MACC1: variants seen among roughly 807,000 people sequenced by gnomAD.
MACC1 encodes metastasis-associated in colon cancer protein 1.
MACC1 carries 79 observed loss-of-function variants against 70.7 expected under a neutral mutation model. That is an observed-to-expected ratio of 1.12 (90% CI 0.93 to 1.35). MACC1 has a LOEUF of 1.35. Among genes scored for constraint, MACC1 ranks in the 40% most tolerant of loss-of-function variants. The probability of loss-of-function intolerance (pLI) is 0.00; values close to 1 mark genes in which losing one functional copy is unlikely to be tolerated. For missense variants in MACC1, 1,106 were observed against 978.1 expected, an observed-to-expected ratio of 1.13 and a Z score of -1.74; for synonymous variants, 361 against 347.2, an observed-to-expected ratio of 1.04 and a Z score of -0.44.
At chr7:20,173,986 TG>T in intron 1 of MACC1, among the ~76,000 whole-genome samples, 1 of 152,308 alleles carries the variant, frequency 6.6e-6, no homozygotes, top group South Asian at 2.1e-4. Context: ...TTTGGGTGTA[TG>T]GTTTCAAAGA....
Position 20,158,301 on chromosome 7 carries a change from T to A in MACC1, c.2060A>T (p.Asp687Val). Residue 687 changes from aspartate (D) to valine (V), a missense_variant, in exon 5 of 7, where the codon GAC (aspartate) becomes GTC (valine). Physicochemically the swap from Asp to Val is radical, Grantham distance 152 (BLOSUM62 -3). Transcript: ENST00000400331. The stretch of plus-strand genomic sequence containing the variant: ...ATAAGAAACTTTCTCTGATTCTTTG[T>A]CTGCTTGAATTTGATCAAAATCTTC... ...SLEDFDQIQA[D>V]KESEKVSYVI... 4 of 1,613,492 alleles carry A rather than the reference T, an allele frequency of 2.5e-6. No homozygotes were observed. Among genetic ancestry groups the A allele is most frequent in the Non-Finnish European group, 3.4e-6 (4 of 1,179,912 alleles).
intron 1 of MACC1, among the ~76,000 whole-genome samples, chr7:20,176,320 A>C (rs1349589942): frequency 6.6e-6 from 1 of 152,116 alleles, no homozygotes; most frequent in Non-Finnish European, 1.5e-5. Flanking sequence ...AAGTCTATAC[A>C]TGAGATAAAA....
In MACC1 at chr7:20,183,739, C is replaced by T. The variant is rs1289297821; in HGVS notation, c.-217-12961G>A. Among the ~76,000 whole-genome samples, 15 of 143,872 alleles carry T rather than the reference C, an allele frequency of 1.0e-4. 1 individual carries two copies. The East Asian group carries it at 2.8e-3, about 27-fold the overall frequency. The allele number at this position is 143,872 out of a possible 152,430, so 94.4% of individuals were successfully genotyped here. ...TTTTTTTTTTTTTGAGGGAGAGTCT[C>T]ACTCTGTTTCCCGGGCTGGAGTGCA... On this transcript the variant is annotated intron_variant, in intron 1 of 6. Transcript: ENST00000400331.
In MACC1 at chr7:20,158,514, A is replaced by G; in HGVS notation, c.1847T>C (p.Val616Ala). The change falls in exon 5 of 7, where the codon GTG becomes GCG. Residue 616 changes from valine to alanine, a missense_variant. Coordinates refer to ENST00000400331, the MANE Select transcript of MACC1 (RefSeq NM_182762.4). Reference sequence around the variant, plus strand: ...AAACATTACTTGCTCCTTTGAAATCACCTTGACATTTTTGCAGTGTACAAG... The same window carrying G: ...AAACATTACTTGCTCCTTTGAAATCGCCTTGACATTTTTGCAGTGTACAAG... The part of the protein sequence containing the change: ...IGLVHCKNVK[V>A]ISKEQVMFMS... 6.2e-7 allele frequency: 1 copy of G among 1,614,110 alleles called. No individual in the cohort carries two copies.
intron 3 of MACC1, among the ~76,000 whole-genome samples, chr7:20,162,242 TC>T (rs1782149805): frequency 6.6e-6 from 1 of 152,112 alleles, no homozygotes; most frequent in Non-Finnish European, 1.5e-5. Context: ...CTAAAAATTT[TC>T]CCCTAAATCC....
intron 1 of MACC1, among the ~76,000 whole-genome samples, chr7:20,201,679 G>A (rs1224614821): frequency 6.6e-6 from 1 of 151,768 alleles, no homozygotes; most frequent in Non-Finnish European, 1.5e-5. Context: ...AAAGAGCAAG[G>A]GCAGTGGCCT....
chr7:20,163,821 T>G (rs936957935), intron 3 of MACC1, among the ~76,000 whole-genome samples: 6 of 152,220 alleles, frequency 3.9e-5, no homozygotes, highest in African/African-American at 1.4e-4. Flanking sequence ...AACTACTATA[T>G]GCAGCCCATA....
intron 6 of MACC1, among the ~76,000 whole-genome samples, chr7:20,144,926 A>G (rs1781865993): frequency 6.6e-6 from 1 of 152,208 alleles, no homozygotes; most frequent in African/African-American, 2.4e-5. Context: ...TCAAAGAAAA[A>G]GAAAGTGAAT....
intron 6 of MACC1, among the ~76,000 whole-genome samples, chr7:20,146,228 C>T (rs752654368): frequency 2.4e-4 from 36 of 151,390 alleles, no homozygotes; most frequent in Non-Finnish European, 2.8e-4. Flanking sequence ...CTCTTCAATA[C>T]AGTAAATAGG....
At chr7:20,152,721 C>A (rs1278093509) in intron 6 of MACC1, among the ~76,000 whole-genome samples, 1 of 152,274 alleles carries the variant, frequency 6.6e-6, no homozygotes, top group East Asian at 1.9e-4. Context: ...GGGTGGTTTG[C>A]TGGCCTCCAT....
intron 1 of MACC1, among the ~76,000 whole-genome samples, chr7:20,179,279 T>G (rs1255230830): frequency 6.6e-6 from 1 of 152,222 alleles, no homozygotes; most frequent in African/African-American, 2.4e-5. Flanking sequence ...CTGACTGTTT[T>G]CAGATTATTT....
intron 1 of MACC1, among the ~76,000 whole-genome samples, chr7:20,206,044 C>T (rs1050623297): frequency 6.6e-6 from 1 of 151,836 alleles, no homozygotes; most frequent in Non-Finnish European, 1.5e-5. Context: ...AATATTAGAG[C>T]CCTCTTGAAC....
intron 1 of MACC1, among the ~76,000 whole-genome samples, chr7:20,188,683 C>T (rs1782626143): frequency 1.3e-5 from 2 of 152,064 alleles, no homozygotes; most frequent in Admixed American, 1.3e-4. Context: ...TAATTTTCAC[C>T]CATTCTCCAC....
In MACC1 at chr7:20,159,564, G is replaced by T. The variant is rs755419484; in HGVS notation, c.797C>A (p.Ser266Ter). The change falls in exon 5 of 7, where the codon TCG (serine) becomes TAG (stop). Residue 266 changes from serine to a stop codon, truncating the protein, a stop_gained. Coordinates refer to ENST00000400331, the MANE Select transcript of MACC1 (RefSeq NM_182762.4). LOFTEE classifies it high-confidence loss of function. The part of the protein sequence containing the change: ...DPPHMLNHDL[S>*]CTVSPLLEIM... ...TTCCAACAACGGGCTCACAGTGCAC[G>T]AAAGATCATGGTTAAGCATGTGTGG... The T allele has an allele frequency of 1.2e-6, 2 of 1,614,092 alleles. No individual in the cohort carries two copies.
At chr7:20,209,305 G>A (rs757261149) in intron 1 of MACC1, among the ~76,000 whole-genome samples, 5 of 152,238 alleles carry the variant, frequency 3.3e-5, no homozygotes, top group Non-Finnish European at 5.9e-5. Context: ...GCCAGCCTGT[G>A]AAAGCAGCTT....
At chr7:20,187,690 A>G (rs6951981) in intron 1 of MACC1, among the ~76,000 whole-genome samples, 1,539 of 152,290 alleles carry the variant, frequency 0.01, 29 homozygotes, top group African/African-American at 0.035. Flanking sequence ...CCTACTGATC[A>G]GACTTGCTTT....
chr7:20,199,479 G>A (rs988345630), intron 1 of MACC1, among the ~76,000 whole-genome samples: 1 of 152,252 alleles, frequency 6.6e-6, no homozygotes, highest in African/African-American at 2.4e-5. Flanking sequence ...AGCTTGCCTT[G>A]ATTGGCAGAA....
intron 1 of MACC1, among the ~76,000 whole-genome samples, chr7:20,186,957 ATT>A (rs1782598155): frequency 6.6e-6 from 1 of 152,220 alleles, no homozygotes; most frequent in African/African-American, 2.4e-5. Flanking sequence ...ACATAGAATA[ATT>A]ACTATCATGT....
At chr7:20,179,864 C>A (rs1051585811) in intron 1 of MACC1, among the ~76,000 whole-genome samples, 1 of 152,174 alleles carries the variant, frequency 6.6e-6, no homozygotes, top group Non-Finnish European at 1.5e-5. Flanking sequence ...CTTTCACACA[C>A]AAAGTGTGGT....
Sources: gnomAD v4.1 joint callset for allele counts (sites outside exome capture counted in the v4.1 genomes callset) on GRCh38, gnomAD v4.1.1 for gene constraint, MANE v1.5 for transcripts, NCBI Gene and HGNC (gene_info 2026-07-23, HGNC 2026-07-21) for gene names.